The following ARHGAP10 variants were observed in gnomAD, a reference collection of about 807,000 sequenced individuals.
The protein encoded by ARHGAP10 is rho GTPase-activating protein 10.
ARHGAP10 carries 87 observed loss-of-function variants against 108.6 expected under a neutral mutation model. That is an observed-to-expected ratio of 0.80 (90% CI 0.67 to 0.96). The LOEUF is 0.96. ARHGAP10 is among the 40% of genes least tolerant of loss of function. The pLI is 0.00. For synonymous variants in ARHGAP10, 347 were observed against 341.1 expected, an observed-to-expected ratio of 1.02 and a Z score of -0.19; for missense variants, 939 against 954.5, an observed-to-expected ratio of 0.98 and a Z score of 0.21.
At chr4:147,814,419 G>C (rs1732151910) in intron 1 of ARHGAP10, among the ~76,000 whole-genome samples, 1 of 152,082 alleles carries the variant, frequency 6.6e-6, no homozygotes, top group Admixed American at 6.6e-5. Context: ...TTTGTGCCGT[G>C]AATGTTGTTA....
At chr4:147,763,652 A>G (rs746801414) in intron 1 of ARHGAP10, among the ~76,000 whole-genome samples, 42 of 147,356 alleles carry the variant, frequency 2.9e-4, no homozygotes, top group Non-Finnish European at 5.1e-4. Flanking sequence ...CTGCTTTGGG[A>G]TGAAGGCTGG....
At chr4:148,057,221 C>T (rs1361915596) in intron 20 of ARHGAP10, among the ~76,000 whole-genome samples, 1 of 152,204 alleles carries the variant, frequency 6.6e-6, no homozygotes, top group Non-Finnish European at 1.5e-5. Context: ...AGCTCTGGCA[C>T]CCAGGTCTCT....
At chr4:148,038,599 C>T (rs999321846) in intron 19 of ARHGAP10, among the ~76,000 whole-genome samples, 1 of 152,160 alleles carries the variant, frequency 6.6e-6, no homozygotes, top group African/African-American at 2.4e-5. Flanking sequence ...TCCTTGGGTA[C>T]AGCATCATTA....
At chr4:147,863,587 T>C (rs1005662604) in intron 5 of ARHGAP10, 1 of 152,202 alleles carries the variant, frequency 6.6e-6, no homozygotes, top group African/African-American at 2.4e-5. Context: ...TTCAGTTCTT[T>C]TGGGTATATG....
At chr4:147,985,671 GC>G in intron 18 of ARHGAP10, among the ~76,000 whole-genome samples, 1 of 152,342 alleles carries the variant, frequency 6.6e-6, no homozygotes, top group African/African-American at 2.4e-5. Context: ...CTGCCAAATT[GC>G]TGAAGAATGA....
chr4:147,854,496 T>C (rs915663988), intron 4 of ARHGAP10, among the ~76,000 whole-genome samples: 3 of 152,238 alleles, frequency 2.0e-5, no homozygotes, highest in Admixed American at 6.5e-5. Flanking sequence ...GTTTTTGTAA[T>C]GTCTGATTTA....
At chr4:147,798,721 GACACTCTCTCTCTC>G (rs1224015964) in intron 1 of ARHGAP10, among the ~76,000 whole-genome samples, 12 of 116,210 alleles carry the variant, frequency 1.0e-4, no homozygotes, top group African/African-American at 4.8e-4. Flanking sequence ...AGGAGTTTGA[GACACTCTCTCTCTC>G]TCTCTCTCTC....
chr4:147,881,959 G>A, intron 10 of ARHGAP10, 27 bp downstream of exon 10: 5 of 1,594,978 alleles, frequency 3.1e-6, no homozygotes, highest in Non-Finnish European at 3.4e-6. Context: ...ATTGGACATG[G>A]TGAAAGAGTC....
chr4:147,881,753 C>A, intron 9 of ARHGAP10, 85 bp from the exon 10 acceptor site: 1 of 1,177,090 alleles, frequency 8.5e-7, no homozygotes. Flanking sequence ...TTGAACCTTG[C>A]TCCCCTGCTC....
intron 1 of ARHGAP10, among the ~76,000 whole-genome samples, chr4:147,812,301 C>T (rs1393743052): frequency 6.6e-6 from 1 of 152,114 alleles, no homozygotes; most frequent in Non-Finnish European, 1.5e-5. Context: ...ACACCTTCTC[C>T]CTCTTTGAAC....
At chr4:147,924,386 G>A (rs903632662) in intron 13 of ARHGAP10, among the ~76,000 whole-genome samples, 4 of 152,036 alleles carry the variant, frequency 2.6e-5, no homozygotes, top group Admixed American at 6.5e-5. Context: ...GTTACCTATG[G>A]TTTTATACGT....
intron 15 of ARHGAP10, among the ~76,000 whole-genome samples, chr4:147,953,713 A>G (rs575520675): frequency 6.6e-6 from 1 of 151,948 alleles, no homozygotes; most frequent in Non-Finnish European, 1.5e-5. Context: ...GTTTTGGATT[A>G]ATTTATTTTC....
At chr4:147,933,227 AT>A (rs34566906) in intron 13 of ARHGAP10, among the ~76,000 whole-genome samples, 1 of 151,942 alleles carries the variant, frequency 6.6e-6, no homozygotes, top group Non-Finnish European at 1.5e-5. Flanking sequence ...AAAATTGTTT[AT>A]TTTTTTAGGG....
chr4:148,023,195 T>C, intron 18 of ARHGAP10, 68 bp from the exon 19 acceptor site: 1 of 1,560,412 alleles, frequency 6.4e-7, no homozygotes, highest in East Asian at 2.3e-5. Context: ...GTGGTGCTGG[T>C]TTACTGGAGT....
chr4:148,006,225 G>T (rs545615863), intron 18 of ARHGAP10, among the ~76,000 whole-genome samples: 1 of 152,294 alleles, frequency 6.6e-6, no homozygotes, highest in East Asian at 1.9e-4. Flanking sequence ...GTGTAGAGAG[G>T]CTACAGAGAC....
intron 1 of ARHGAP10, among the ~76,000 whole-genome samples, chr4:147,797,407 C>A (rs892068600): frequency 2.6e-5 from 4 of 151,988 alleles, no homozygotes; most frequent in African/African-American, 9.7e-5. Flanking sequence ...AACGTACCCT[C>A]CCCACTTTGT....
At chr4:148,042,055 G>A (rs1728655381) in intron 19 of ARHGAP10, among the ~76,000 whole-genome samples, 1 of 152,110 alleles carries the variant, frequency 6.6e-6, no homozygotes, top group South Asian at 2.1e-4. Flanking sequence ...CTCTCCCTTA[G>A]ATACTGCCAC....
chr4:147,751,489 G>T (rs1192638908), intron 1 of ARHGAP10, among the ~76,000 whole-genome samples: 1 of 151,634 alleles, frequency 6.6e-6, no homozygotes, highest in Non-Finnish European at 1.5e-5. Context: ...TCAGCCTCCT[G>T]AGTAGCTGGG....
At chr4:147,851,708 T>C (rs76066654) in intron 4 of ARHGAP10, among the ~76,000 whole-genome samples, 3,813 of 152,318 alleles carry the variant, frequency 0.025, 150 homozygotes, top group African/African-American at 0.083. Flanking sequence ...AGCATAGTAT[T>C]AGAGGCCCTG....
Sources: allele counts gnomAD v4.1 joint callset (sites outside exome capture counted in the v4.1 genomes callset), GRCh38; gene constraint gnomAD v4.1.1; transcripts MANE v1.5; gene names NCBI Gene and HGNC (gene_info 2026-07-23, HGNC 2026-07-21).